The following TNFRSF21 variants were observed in gnomAD, a reference collection of about 807,000 sequenced individuals.
The protein encoded by TNFRSF21 is tumor necrosis factor receptor superfamily member 21.
In TNFRSF21, 19 loss-of-function variants were observed where a neutral mutation model predicts 45.6. The ratio of observed to expected loss-of-function variants is 0.42; its 90% confidence interval spans 0.29 to 0.61. The LOEUF (loss-of-function observed/expected upper bound fraction) is 0.61, where lower values mean the gene tolerates loss of function less well. Among genes scored for constraint, TNFRSF21 ranks in the 20% least tolerant of loss-of-function variants. TNFRSF21 has a pLI of 0.23. For missense variants in TNFRSF21, 737 were observed against 851.5 expected (o/e 0.87, Z 1.67); for synonymous variants, 314 against 335.5 (o/e 0.94, Z 0.70).
Position 47,286,568 on chromosome 6 carries a change from G to A in TNFRSF21, c.124C>T (p.Gln42Ter), listed in dbSNP as rs1159911691. ...AGATTCGAGGCCTTCTGTTCTGGCT[G>A]AGCTGTGGTGGTGCTAAGGAATCCA... ...LLGFLSTTTAQPEQKASNLIG... is the reference protein window; with the variant it reads ...LLGFLSTTTA Residue 42 changes from glutamine to a stop codon, truncating the protein, a stop_gained, in exon 2 of 6, where the codon CAG (glutamine) becomes TAG (stop). Transcript: ENST00000296861. LOFTEE classifies it high-confidence loss of function. The A allele has an allele frequency of 1.2e-6, 2 of 1,608,828 alleles. No individual in the cohort carries two copies. Among genetic ancestry groups the A allele is most frequent in the Non-Finnish European group, 1.7e-6 (2 of 1,175,782 alleles).
chr6:47,306,353 AT>A (rs1333333987), intron 1 of TNFRSF21, among the ~76,000 whole-genome samples: 1 of 152,160 alleles, frequency 6.6e-6, no homozygotes, highest in Non-Finnish European at 1.5e-5. Flanking sequence ...TTATCAAGCA[AT>A]TTGGACTTGT....
At chr6:47,236,949 A>G (rs566050996) in intron 4 of TNFRSF21, among the ~76,000 whole-genome samples, 1 of 152,266 alleles carries the variant, frequency 6.6e-6, no homozygotes, top group East Asian at 1.9e-4. Flanking sequence ...TGTTTCCTAA[A>G]TTCATTTGAA....
chr6:47,258,014 C>T (rs928902028), intron 3 of TNFRSF21, among the ~76,000 whole-genome samples: 8 of 152,292 alleles, frequency 5.3e-5, no homozygotes, highest in Middle Eastern at 3.4e-3. Flanking sequence ...GATGAACGCA[C>T]TCAAGGCTGG....
At chr6:47,305,195 T>C (rs1762921849) in intron 1 of TNFRSF21, among the ~76,000 whole-genome samples, 2 of 152,136 alleles carry the variant, frequency 1.3e-5, no homozygotes, top group South Asian at 4.1e-4. Context: ...CCATGCTCAT[T>C]TTATATACCA....
chr6:47,248,392 C>G (rs896649947), intron 4 of TNFRSF21, among the ~76,000 whole-genome samples: 2 of 152,046 alleles, frequency 1.3e-5, no homozygotes, highest in Non-Finnish European at 2.9e-5. Flanking sequence ...GGAGAAGAAA[C>G]AGACTCCTTT....
intron 1 of TNFRSF21, among the ~76,000 whole-genome samples, chr6:47,291,009 G>T (rs986157672): frequency 6.6e-6 from 1 of 152,218 alleles, no homozygotes; most frequent in Non-Finnish European, 1.5e-5. Context: ...GAGAAATACA[G>T]AATCCTATGA....
At chr6:47,301,010 T>C (rs1456200303) in intron 1 of TNFRSF21, among the ~76,000 whole-genome samples, 9 of 152,156 alleles carry the variant, frequency 5.9e-5, no homozygotes, top group Non-Finnish European at 1.3e-4. Flanking sequence ...ATAAATACTA[T>C]AAACAAAGGG....
intron 1 of TNFRSF21, among the ~76,000 whole-genome samples, chr6:47,303,136 T>A (rs1762894298): frequency 6.6e-6 from 1 of 152,124 alleles, no homozygotes; most frequent in Non-Finnish European, 1.5e-5. Context: ...ATGGACTCAC[T>A]CCTCTCCACT....
intron 4 of TNFRSF21, among the ~76,000 whole-genome samples, chr6:47,239,013 G>T (rs918303448): frequency 1.3e-5 from 2 of 152,120 alleles, no homozygotes; most frequent in Non-Finnish European, 2.9e-5. Context: ...GAGGCTGGGC[G>T]CAGTGGCTTA....
intron 1 of TNFRSF21, 75 bp downstream of exon 1, chr6:47,309,341 G>C: frequency 4.1e-6 from 6 of 1,473,324 alleles, no homozygotes; most frequent in Non-Finnish European, 5.4e-6. Context: ...CCGGCCCGGT[G>C]ACCCGCCCGG....
chr6:47,264,228 T>G (rs1762293205), intron 3 of TNFRSF21, among the ~76,000 whole-genome samples: 2 of 152,188 alleles, frequency 1.3e-5, no homozygotes, highest in South Asian at 4.1e-4. Context: ...AATATACATT[T>G]TAAAAATAAA....
chr6:47,264,757 T>C (rs1437765294), intron 3 of TNFRSF21, among the ~76,000 whole-genome samples: 1 of 152,196 alleles, frequency 6.6e-6, no homozygotes, highest in Non-Finnish European at 1.5e-5. Context: ...AGGTGTTGTC[T>C]AGTGGAAATG....
At chr6:47,293,567 G>A (rs1057127862) in intron 1 of TNFRSF21, among the ~76,000 whole-genome samples, 1 of 152,164 alleles carries the variant, frequency 6.6e-6, no homozygotes, top group Non-Finnish European at 1.5e-5. Context: ...GTCAACACCT[G>A]CACAGGGCAG....
At chr6:47,263,816 C>G (rs1324979389) in intron 3 of TNFRSF21, among the ~76,000 whole-genome samples, 1 of 152,136 alleles carries the variant, frequency 6.6e-6, no homozygotes, top group African/African-American at 2.4e-5. Context: ...GCATTATTTC[C>G]TTTCTCTACT....
intron 1 of TNFRSF21, among the ~76,000 whole-genome samples, chr6:47,291,978 T>G (rs1343891453): frequency 6.6e-6 from 1 of 152,192 alleles, no homozygotes; most frequent in Non-Finnish European, 1.5e-5. Flanking sequence ...AGTCAACTCA[T>G]GATCTAAAAC....
At chr6:47,254,831 C>T (rs1764957421) in intron 3 of TNFRSF21, among the ~76,000 whole-genome samples, 1 of 152,154 alleles carries the variant, frequency 6.6e-6, no homozygotes, top group Non-Finnish European at 1.5e-5. Flanking sequence ...TATGTTAAGG[C>T]ATTAGCTCAC....
chr6:47,248,436 G>T (rs1229243592), intron 4 of TNFRSF21, among the ~76,000 whole-genome samples: 1 of 152,090 alleles, frequency 6.6e-6, no homozygotes, highest in Non-Finnish European at 1.5e-5. Flanking sequence ...GGGAAAGAGT[G>T]CACTGGTTAA....
chr6:47,259,277 GATGTGATGCC>G (rs965550304), intron 3 of TNFRSF21, among the ~76,000 whole-genome samples: 1 of 152,184 alleles, frequency 6.6e-6, no homozygotes, highest in African/African-American at 2.4e-5. Context: ...TGTTTAACTG[GATGTGATGCC>G]AAGTGTCTTT....
chr6:47,244,879 G>T (rs944554491), intron 4 of TNFRSF21, among the ~76,000 whole-genome samples: 1 of 152,174 alleles, frequency 6.6e-6, no homozygotes, highest in African/African-American at 2.4e-5. Context: ...TGACACTTGG[G>T]TTATAACAGA....
Sources: gnomAD v4.1 joint callset for allele counts (sites outside exome capture counted in the v4.1 genomes callset) on GRCh38, gnomAD v4.1.1 for gene constraint, MANE v1.5 for transcripts, NCBI Gene and HGNC (gene_info 2026-07-23, HGNC 2026-07-21) for gene names.